Variants in NRBF2 observed in about 807,000 individuals in gnomAD.
NRBF2 encodes nuclear receptor-binding factor 2.
NRBF2 carries 12 observed loss-of-function variants against 28.5 expected under a neutral mutation model. The observed-to-expected ratio is 0.42, with a 90% CI of 0.27 to 0.68. NRBF2 has a LOEUF of 0.68. NRBF2 is among the 30% of genes least tolerant of loss of function. The pLI, the probability that NRBF2 is intolerant of heterozygous loss-of-function variation, is 0.24. For synonymous variants in NRBF2, 102 were observed against 116.5 expected (o/e 0.88, Z 0.80); for missense variants, 274 against 333.5 (o/e 0.82, Z 1.39).
intron 2 of NRBF2, among the ~76,000 whole-genome samples, chr10:63,149,318 C>A (rs924549974): frequency 6.6e-6 from 1 of 152,184 alleles, no homozygotes; most frequent in South Asian, 2.1e-4. Context: ...GGGTTTCTAC[C>A]TTGGCCTCCC....
intron 1 of NRBF2, among the ~76,000 whole-genome samples, chr10:63,142,780 C>CTTTTTTTTTTTTTTTTTTTTTTTTT (rs781293012): frequency 4.0e-4 from 30 of 74,940 alleles, no homozygotes; most frequent in African/African-American, 9.9e-4. Context: ...TTCTTTCTTT[C>CTTTTTTTTTTTTTTTTTTTTTTTTT]TTTTTTTTTT....
chr10:63,143,912 C>T (rs952422997), intron 1 of NRBF2, among the ~76,000 whole-genome samples: 2 of 151,920 alleles, frequency 1.3e-5, no homozygotes, highest in Non-Finnish European at 2.9e-5. Context: ...GTGCGAGCGC[C>T]ACACCCGGCT....
intron 1 of NRBF2, among the ~76,000 whole-genome samples, chr10:63,145,101 C>CTTTTTTT (rs34823556): frequency 2.6e-4 from 22 of 85,898 alleles, no homozygotes; most frequent in East Asian, 8.4e-4. Context: ...TATATTAAAG[C>CTTTTTTT]TTTTTTTTTT....
chr10:63,140,476 G>A (rs1468998480), intron 1 of NRBF2, among the ~76,000 whole-genome samples: 1 of 152,112 alleles, frequency 6.6e-6, no homozygotes, highest in Non-Finnish European at 1.5e-5. Flanking sequence ...AGAGTGCAGT[G>A]GCGTAATCAC....
At chr10:63,133,629 T>C in intron 1 of NRBF2, 129 bp downstream of exon 1, 1 of 726,266 alleles carries the variant, frequency 1.4e-6, no homozygotes, top group East Asian at 2.9e-5. Context: ...GCAGAGGCTG[T>C]GAGGGGCTGC....
At chr10:63,140,863 G>A (rs987047932) in intron 1 of NRBF2, among the ~76,000 whole-genome samples, 3 of 151,960 alleles carry the variant, frequency 2.0e-5, no homozygotes, top group Admixed American at 6.6e-5. Context: ...ACCATGTCTG[G>A]CTAATTTTTG....
At chr10:63,150,228 A>G (rs1841627506) in intron 2 of NRBF2, 1 of 213,398 alleles carries the variant, frequency 4.7e-6, no homozygotes, top group South Asian at 1.7e-4. Flanking sequence ...CTAGGATTAC[A>G]GGTGTGAGCC....
chr10:63,138,970 C>G (rs903447539), intron 1 of NRBF2, among the ~76,000 whole-genome samples: 15 of 152,086 alleles, frequency 9.9e-5, no homozygotes, highest in Non-Finnish European at 1.8e-4. Context: ...TTTTCCTCTG[C>G]TGCCTTTTCA....
At chr10:63,146,412 T>G in intron 2 of NRBF2, 119 bp downstream of exon 2, 1 of 626,658 alleles carries the variant, frequency 1.6e-6, no homozygotes. Flanking sequence ...AATATCAGCT[T>G]TGATTATTTT....
chr10:63,135,821 A>G (rs1391951508), intron 1 of NRBF2, among the ~76,000 whole-genome samples: 1 of 151,742 alleles, frequency 6.6e-6, no homozygotes, highest in Non-Finnish European at 1.5e-5. Flanking sequence ...TAATTTTTGT[A>G]TTTTTAGTAG....
intron 2 of NRBF2, among the ~76,000 whole-genome samples, chr10:63,147,770 G>A (rs191127539): frequency 5.7e-4 from 86 of 150,220 alleles, no homozygotes; most frequent in African/African-American, 1.9e-3. Flanking sequence ...TCCCACCCCC[G>A]CTTTTTTTAA....
chr10:63,143,717 G>A (rs1044138831), intron 1 of NRBF2, among the ~76,000 whole-genome samples: 2 of 148,902 alleles, frequency 1.3e-5, no homozygotes, highest in African/African-American at 2.5e-5. Flanking sequence ...CTCCGCAAGT[G>A]TTGGGATCAC....
intron 1 of NRBF2, among the ~76,000 whole-genome samples, chr10:63,144,417 CTTTT>C (rs58418737): frequency 7.2e-6 from 1 of 138,956 alleles, no homozygotes; most frequent in Non-Finnish European, 1.5e-5. Context: ...ATTATCTTCC[CTTTT>C]TTTTTTTTTT....
intron 1 of NRBF2, among the ~76,000 whole-genome samples, chr10:63,134,388 C>T (rs1841343130): frequency 6.6e-6 from 1 of 152,140 alleles, no homozygotes; most frequent in Non-Finnish European, 1.5e-5. Context: ...ACTTTTGAGT[C>T]ACAGGTTTGC....
intron 1 of NRBF2, among the ~76,000 whole-genome samples, chr10:63,137,575 A>G (rs180708771): frequency 3.3e-5 from 5 of 152,306 alleles, no homozygotes; most frequent in African/African-American, 1.2e-4. Context: ...ATGTTTGTTG[A>G]GTAACAGCTT....
At chr10:63,147,556 C>A (rs1294437923) in intron 2 of NRBF2, among the ~76,000 whole-genome samples, 1 of 151,880 alleles carries the variant, frequency 6.6e-6, no homozygotes, top group East Asian at 1.9e-4. Context: ...CCATGATTGA[C>A]CCGCCTTGGC....
chr10:63,139,032 C>A (rs916128009), intron 1 of NRBF2, among the ~76,000 whole-genome samples: 1 of 151,864 alleles, frequency 6.6e-6, no homozygotes, highest in African/African-American at 2.4e-5. Context: ...CGTTTTGAGA[C>A]AGAGTATCAC....
rs534497775 is a variant in NRBF2, at chr10:63,154,265, C to T, written c.*47C>T. 3,101 of 1,187,064 alleles carry T rather than the reference C, an allele frequency of 2.6e-3. 6 individuals carry two copies. Among genetic ancestry groups the T allele is most frequent in the Non-Finnish European group, 3.3e-3 (2,695 of 828,122 alleles). The allele number at this position is 1,187,064 out of a possible 1,614,324, so 73.5% of individuals were successfully genotyped here. On this transcript the variant is annotated 3_prime_UTR_variant, in exon 4 of 4. Coordinates refer to ENST00000277746, the MANE Select transcript of NRBF2 (RefSeq NM_030759.5). Reference sequence around the variant, plus strand: ...GGAAAAGAGGAAATAATACAGTAATCGTTAATCCAGCAAAAAGAAATGAAA... The same window carrying T: ...GGAAAAGAGGAAATAATACAGTAATTGTTAATCCAGCAAAAAGAAATGAAA...
Position 63,133,331 on chromosome 10 carries a change from C to T in NRBF2, c.-140C>T, listed in dbSNP as rs1185710394. The T allele has an allele frequency of 8.1e-6, 8 of 986,472 alleles. No individual in the cohort carries two copies. Among genetic ancestry groups the T allele is most frequent in the South Asian group, 1.4e-5 (1 of 72,400 alleles). The allele number at this position is 986,472 out of a possible 1,614,324, so 61.1% of individuals were successfully genotyped here. On this transcript the variant is annotated 5_prime_UTR_variant, in exon 1 of 4. Transcript: ENST00000277746. Reference sequence around the variant, plus strand: ...AGGAGGAAGTGGTGAGGTTGTTGCTCCTTCAGCGCCTATCGCTGGCTCTTG... The same window carrying T: ...AGGAGGAAGTGGTGAGGTTGTTGCTTCTTCAGCGCCTATCGCTGGCTCTTG...
Sources: gnomAD v4.1 joint callset for allele counts (sites outside exome capture counted in the v4.1 genomes callset) on GRCh38, gnomAD v4.1.1 for gene constraint, MANE v1.5 for transcripts, NCBI Gene and HGNC (gene_info 2026-07-23, HGNC 2026-07-21) for gene names.